Variants in RIMS2 observed in about 807,000 individuals in gnomAD.
RIMS2 encodes the protein regulating synaptic membrane exocytosis protein 2.
RIMS2 carries 59 observed loss-of-function variants against 174.4 expected under a neutral mutation model. The ratio of observed to expected loss-of-function variants is 0.34; its 90% confidence interval spans 0.27 to 0.42. The LOEUF (loss-of-function observed/expected upper bound fraction) is 0.42. Ranked by LOEUF, RIMS2 falls within the 10% of genes least tolerant of loss-of-function variation. The pLI, the probability that RIMS2 is intolerant of heterozygous loss-of-function variation, is 1.00. For missense variants in RIMS2, 1,620 were observed against 1,666.3 expected (o/e 0.97, Z 0.48); for synonymous variants, 606 against 572.5 (o/e 1.06, Z -0.84).
chr8:104,069,766 A>G (rs1029791106), intron 19 of RIMS2, among the ~76,000 whole-genome samples: 5 of 152,010 alleles, frequency 3.3e-5, no homozygotes, highest in African/African-American at 1.2e-4. Flanking sequence ...CGCCCGGCCT[A>G]TTTCATTGTT....
chr8:103,834,872 G>A (rs2098861408), intron 3 of RIMS2, among the ~76,000 whole-genome samples: 1 of 151,682 alleles, frequency 6.6e-6, no homozygotes, highest in Non-Finnish European at 1.5e-5. Flanking sequence ...CCAGGCTCAA[G>A]CAATCCTCTC....
chr8:104,142,010 C>G (rs528822477), intron 19 of RIMS2, among the ~76,000 whole-genome samples: 1 of 152,154 alleles, frequency 6.6e-6, no homozygotes, highest in South Asian at 2.1e-4. Flanking sequence ...GAAACAGGAG[C>G]ATTCTATACT....
At chr8:103,688,021 A>G (rs1246776641) in intron 1 of RIMS2, among the ~76,000 whole-genome samples, 1 of 152,120 alleles carries the variant, frequency 6.6e-6, no homozygotes, top group African/African-American at 2.4e-5. Flanking sequence ...GGTTTACTGT[A>G]GATAAGATCA....
At chr8:104,108,517 T>A (rs2098119802) in intron 19 of RIMS2, among the ~76,000 whole-genome samples, 1 of 152,044 alleles carries the variant, frequency 6.6e-6, no homozygotes, top group South Asian at 2.1e-4. Context: ...CAGGCTGGTC[T>A]CAAACTCCTG....
chr8:103,859,949 T>C (rs2099049820), intron 3 of RIMS2, among the ~76,000 whole-genome samples: 1 of 152,004 alleles, frequency 6.6e-6, no homozygotes, highest in African/African-American at 2.4e-5. Flanking sequence ...GGCCCCTCCC[T>C]AATAGATGGA....
intron 2 of RIMS2, among the ~76,000 whole-genome samples, chr8:103,740,996 A>G (rs761786515): frequency 2.0e-5 from 3 of 152,096 alleles, no homozygotes; most frequent in African/African-American, 4.8e-5. Context: ...AAATATGTAT[A>G]TAAGTTGAAA....
intron 1 of RIMS2, among the ~76,000 whole-genome samples, chr8:103,661,058 C>T (rs1044992912): frequency 2.0e-5 from 3 of 152,172 alleles, no homozygotes; most frequent in Middle Eastern, 3.2e-3. Context: ...TTTTGCCTAG[C>T]ACCACTATTT....
intron 3 of RIMS2, among the ~76,000 whole-genome samples, chr8:103,798,651 G>A (rs2098576500): frequency 6.6e-6 from 1 of 152,102 alleles, no homozygotes; most frequent in Non-Finnish European, 1.5e-5. Flanking sequence ...GAAAGGATAT[G>A]GTGCTTTAGA....
At chr8:103,980,502 A>G (rs1200540154) in intron 16 of RIMS2, among the ~76,000 whole-genome samples, 1 of 152,196 alleles carries the variant, frequency 6.6e-6, no homozygotes, top group Non-Finnish European at 1.5e-5. Context: ...CATTCCCACC[A>G]GTGGTGGCTG....
At chr8:103,568,785 T>C (rs942300762) in intron 1 of RIMS2, 8 of 1,139,098 alleles carry the variant, frequency 7.0e-6, no homozygotes, top group South Asian at 6.1e-5. Context: ...ATGAATGTCT[T>C]TTGCTGTTTG....
rs113556224 is a variant in RIMS2 at position 104,114,476 on chromosome 8, G to A, written c.3334+99861G>A. On this transcript the variant is annotated intron_variant, in intron 19 of 23. Coordinates refer to ENST00000504942, the Ensembl canonical transcript of RIMS2. ...AGAAAAAAGGAAGATGACAGTTAAA[G>A]AAGAGAACAAAAAGATGTTGAAAGG... Among the ~76,000 whole-genome samples the A allele has an allele frequency of 4.6e-3, 700 of 152,026 alleles. 6 individuals carry two copies. The highest frequency in any genetic ancestry group is 0.015 in the African/African-American group (631 of 41,554).
At chr8:103,818,501 A>G (rs2098732107) in intron 3 of RIMS2, among the ~76,000 whole-genome samples, 1 of 152,196 alleles carries the variant, frequency 6.6e-6, no homozygotes, top group African/African-American at 2.4e-5. Flanking sequence ...AGGAGCCTTC[A>G]GGAAACATTT....
intron 3 of RIMS2, chr8:103,880,572 C>T: frequency 2.3e-6 from 1 of 430,166 alleles, no homozygotes; most frequent in Non-Finnish European, 4.2e-6. Flanking sequence ...TTAAGGATGG[C>T]TCCTATGATT....
chr8:104,167,803 T>G (rs2098806621), intron 19 of RIMS2, among the ~76,000 whole-genome samples: 1 of 152,190 alleles, frequency 6.6e-6, no homozygotes, highest in South Asian at 2.1e-4. Flanking sequence ...TTTTTATGGT[T>G]TCAGATCTTA....
At chr8:104,123,488 C>T (rs989024863) in intron 19 of RIMS2, among the ~76,000 whole-genome samples, 13 of 151,858 alleles carry the variant, frequency 8.6e-5, no homozygotes, top group African/African-American at 3.1e-4. Flanking sequence ...ATTATTTACA[C>T]TAAATTTTTG....
intron 3 of RIMS2, among the ~76,000 whole-genome samples, chr8:103,850,353 C>A (rs2098990851): frequency 6.6e-6 from 1 of 151,928 alleles, no homozygotes; most frequent in Non-Finnish European, 1.5e-5. Flanking sequence ...ATAATATATA[C>A]TTGGTATTGA....
intron 1 of RIMS2, among the ~76,000 whole-genome samples, chr8:103,548,783 C>T (rs1157217104): frequency 6.6e-6 from 1 of 152,134 alleles, no homozygotes; most frequent in East Asian, 1.9e-4. Context: ...TAATCTCTAT[C>T]TAAAAGCTCC....
At chr8:103,791,550 G>C (rs1449172607) in intron 3 of RIMS2, among the ~76,000 whole-genome samples, 1 of 152,106 alleles carries the variant, frequency 6.6e-6, no homozygotes. Context: ...ATAATGACAG[G>C]ATAAAATTCA....
intron 1 of RIMS2, among the ~76,000 whole-genome samples, chr8:103,503,417 T>C (rs903748938): frequency 6.6e-6 from 1 of 151,978 alleles, no homozygotes; most frequent in African/African-American, 2.4e-5. Flanking sequence ...ACATTATCAA[T>C]ATTGGGTATT....
Sources: gnomAD v4.1 joint callset for allele counts (sites outside exome capture counted in the v4.1 genomes callset) on GRCh38, gnomAD v4.1.1 for gene constraint, MANE v1.5 for transcripts, NCBI Gene and HGNC (gene_info 2026-07-23, HGNC 2026-07-21) for gene names.